Variants in CDH4 observed in about 807,000 individuals in gnomAD.
The protein encoded by CDH4 is cadherin-4.
In CDH4, 33 loss-of-function variants were observed where a neutral mutation model predicts 86.0. The observed-to-expected ratio is 0.38, with a 90% CI of 0.29 to 0.51. The LOEUF (loss-of-function observed/expected upper bound fraction) is 0.51, where lower values mean the gene tolerates loss of function less well. Among genes scored for constraint, CDH4 ranks in the 20% least tolerant of loss-of-function variants. The pLI is 0.86. For missense variants in CDH4, 1,114 were observed against 1,307.4 expected (o/e 0.85, Z 2.28); for synonymous variants, 555 against 549.4 (o/e 1.01, Z -0.14).
intron 6 of CDH4, among the ~76,000 whole-genome samples, chr20:61,854,366 C>T (rs565825486): frequency 2.0e-5 from 3 of 152,152 alleles, no homozygotes; most frequent in Admixed American, 6.5e-5. Flanking sequence ...ATTATACCCT[C>T]GGTCCGCCCC....
At chr20:61,680,868 G>A (rs1471299588) in intron 2 of CDH4, among the ~76,000 whole-genome samples, 2 of 152,152 alleles carry the variant, frequency 1.3e-5, no homozygotes, top group Admixed American at 1.3e-4. Context: ...CAGAGGGACT[G>A]GATGGAAGCC....
intron 6 of CDH4, among the ~76,000 whole-genome samples, chr20:61,854,048 G>C (rs749213858): frequency 6.6e-6 from 1 of 152,180 alleles, no homozygotes; most frequent in Non-Finnish European, 1.5e-5. Context: ...TCTGAACTTC[G>C]AGTTTAATGG....
intron 2 of CDH4, among the ~76,000 whole-genome samples, chr20:61,587,485 A>C (rs1257549489): frequency 6.6e-6 from 1 of 152,146 alleles, no homozygotes; most frequent in Non-Finnish European, 1.5e-5. Flanking sequence ...CTTCCTGCAG[A>C]GCTCTTAGTC....
At chr20:61,864,603 A>G (rs906777093) in intron 6 of CDH4, among the ~76,000 whole-genome samples, 1 of 152,168 alleles carries the variant, frequency 6.6e-6, no homozygotes, top group Non-Finnish European at 1.5e-5. Context: ...CCGTGGATCC[A>G]GTGAGGTCAG....
At chr20:61,732,123 C>T (rs571694890) in intron 2 of CDH4, among the ~76,000 whole-genome samples, 1 of 152,348 alleles carries the variant, frequency 6.6e-6, no homozygotes, top group Non-Finnish European at 1.5e-5. Context: ...TCCAAAGTGG[C>T]TCGAGTGCAT....
intron 2 of CDH4, among the ~76,000 whole-genome samples, chr20:61,450,045 A>G (rs2085371496): frequency 6.6e-6 from 1 of 152,140 alleles, no homozygotes; most frequent in South Asian, 2.1e-4. Context: ...ACTAATCTCA[A>G]CCCTTATTCA....
At chr20:61,303,265 C>G (rs1325071619) in intron 2 of CDH4, among the ~76,000 whole-genome samples, 2 of 152,198 alleles carry the variant, frequency 1.3e-5, no homozygotes, top group African/African-American at 2.4e-5. Context: ...GAATGTGTCA[C>G]CAGCCTGGGT....
intron 2 of CDH4, among the ~76,000 whole-genome samples, chr20:61,386,265 CA>C (rs1266456970): frequency 6.6e-6 from 1 of 152,180 alleles, no homozygotes; most frequent in African/African-American, 2.4e-5. Flanking sequence ...CTGGAAGGAA[CA>C]AAACCTCTCG....
chr20:61,646,635 G>T (rs1182764105), intron 2 of CDH4, among the ~76,000 whole-genome samples: 1 of 152,242 alleles, frequency 6.6e-6, no homozygotes, highest in African/African-American at 2.4e-5. Flanking sequence ...AGCAGCTTCT[G>T]CTCTCACTCC....
chr20:61,799,780 G>A (rs958935076), intron 4 of CDH4, among the ~76,000 whole-genome samples: 2 of 152,182 alleles, frequency 1.3e-5, no homozygotes, highest in African/African-American at 4.8e-5. Context: ...CGGTCACAGC[G>A]GTAACAGATT....
chr20:61,269,898 C>T lies in CDH4; in HGVS notation c.169+14961C>T, dbSNP rs796910678. ...ATTTCCACATGGCCCCGGCTGTTGACGATGACCTTAAGCTCCCCTGACCAA... is the reference window on the plus strand; with the variant it reads ...ATTTCCACATGGCCCCGGCTGTTGATGATGACCTTAAGCTCCCCTGACCAA... On this transcript the variant is annotated intron_variant, in intron 2 of 15. Coordinates refer to ENST00000614565, the MANE Select transcript of CDH4 (RefSeq NM_001794.5). The surrounding 1 kb of genome is among the most constrained non-coding windows in gnomAD (Gnocchi z 5.3). Among the ~76,000 whole-genome samples, 17 of 152,300 alleles carry T rather than the reference C, an allele frequency of 1.1e-4. No homozygotes were observed. Among genetic ancestry groups the T allele is most frequent in the African/African-American group, 3.8e-4 (16 of 41,562 alleles).
chr20:61,322,835 C>A (rs897377749), intron 2 of CDH4, among the ~76,000 whole-genome samples: 2 of 152,214 alleles, frequency 1.3e-5, no homozygotes, highest in African/African-American at 4.8e-5. Flanking sequence ...GTGCAGAGGC[C>A]TTTGATCGCA....
chr20:61,479,178 T>A (rs1043569535), intron 2 of CDH4, among the ~76,000 whole-genome samples: 5 of 112,424 alleles, frequency 4.4e-5, no homozygotes, highest in African/African-American at 1.7e-4. Flanking sequence ...GTTTTTTGTT[T>A]TTTGTTTTTT....
At chr20:61,719,195 T>G (rs1314930396) in intron 2 of CDH4, 2 of 440,372 alleles carry the variant, frequency 4.5e-6, no homozygotes, top group South Asian at 3.3e-5. Flanking sequence ...CAGAGATTTT[T>G]TTTTTTAAGT....
At chr20:61,841,607 G>A (rs951841054) in intron 4 of CDH4, among the ~76,000 whole-genome samples, 3 of 152,162 alleles carry the variant, frequency 2.0e-5, no homozygotes, top group Admixed American at 6.5e-5. Context: ...TCCCTAGGTC[G>A]CTGTCTCTGA....
chr20:61,327,640 G>C (rs2123254224), intron 2 of CDH4, among the ~76,000 whole-genome samples: 1 of 152,302 alleles, frequency 6.6e-6, no homozygotes, highest in South Asian at 2.1e-4. Flanking sequence ...CAGGGAGTTG[G>C]TGGAGTACAA....
At chr20:61,503,149 T>C (rs2085716693) in intron 2 of CDH4, among the ~76,000 whole-genome samples, 2 of 152,192 alleles carry the variant, frequency 1.3e-5, no homozygotes, top group Non-Finnish European at 2.9e-5. Flanking sequence ...GCTGCAAATG[T>C]CCTGGGGTGT....
At position 61,274,146 on chromosome 20, in the gene CDH4, G is replaced by C. The variant is rs557581002; in HGVS notation, c.169+19209G>C. ...GTATTGGAGTACCATGCGTAGTTTGGGGAAGTACCATGTGCAGTTTGGGGG... is the reference window on the plus strand; with the variant it reads ...GTATTGGAGTACCATGCGTAGTTTGCGGAAGTACCATGTGCAGTTTGGGGG... On this transcript the variant is annotated intron_variant, in intron 2 of 15. Transcript: ENST00000614565. Among the ~76,000 whole-genome samples the C allele has an allele frequency of 1.4e-5, 2 of 144,380 alleles. 1 individual carries two copies. The highest frequency in any genetic ancestry group is 4.4e-4 in the East Asian group (2 of 4,594). 94.7% of individuals were successfully genotyped at this position (144,380 alleles called of 152,430 possible). A position where few individuals can be genotyped will look rare whatever the true frequency, so the allele number is the denominator to read the frequency against.
At chr20:61,685,485 G>A (rs1378590079) in intron 2 of CDH4, among the ~76,000 whole-genome samples, 1 of 152,230 alleles carries the variant, frequency 6.6e-6, no homozygotes, top group Admixed American at 6.5e-5. Flanking sequence ...CCTGCGGAGA[G>A]TGCCTGCTCT....
Sources: allele counts gnomAD v4.1 joint callset (sites outside exome capture counted in the v4.1 genomes callset), GRCh38; gene constraint gnomAD v4.1.1; non-coding constraint Gnocchi (gnomAD v3.1); transcripts MANE v1.5; gene names NCBI Gene and HGNC (gene_info 2026-07-23, HGNC 2026-07-21).